PIP5K1B: variants seen among roughly 807,000 people sequenced by gnomAD.
PIP5K1B encodes phosphatidylinositol-4-phosphate 5-kinase type 1 beta, also known as phosphatidylinositol 4-phosphate 5-kinase type-1 beta.
PIP5K1B carries 42 observed loss-of-function variants against 67.0 expected under a neutral mutation model. That is an observed-to-expected ratio of 0.63 (90% CI 0.49 to 0.81). PIP5K1B has a LOEUF of 0.81. Ranked by LOEUF, PIP5K1B falls within the 30% of genes least tolerant of loss-of-function variation. PIP5K1B has a pLI of 0.00. For missense variants in PIP5K1B, 459 were observed against 646.3 expected (o/e 0.71, Z 3.14); for synonymous variants, 214 against 231.4 (o/e 0.92, Z 0.68).
intron 1 of PIP5K1B, among the ~76,000 whole-genome samples, chr9:68,726,914 C>T (rs544641105): frequency 6.6e-6 from 1 of 151,842 alleles, no homozygotes; most frequent in South Asian, 2.1e-4. Context: ...TTTTCATGTG[C>T]CTATTTGCCA....
intron 14 of PIP5K1B, among the ~76,000 whole-genome samples, chr9:68,972,698 G>A (rs1001827888): frequency 6.6e-6 from 1 of 152,088 alleles, no homozygotes; most frequent in Non-Finnish European, 1.5e-5. Flanking sequence ...TGTGCACATG[G>A]GTTTTTTTCC....
intron 8 of PIP5K1B, among the ~76,000 whole-genome samples, chr9:68,916,445 C>T (rs1826095979): frequency 2.6e-5 from 4 of 152,326 alleles, no homozygotes; most frequent in Middle Eastern, 3.4e-3. Flanking sequence ...TTTTGTCTGG[C>T]TGCATCCAAC....
intron 2 of PIP5K1B, among the ~76,000 whole-genome samples, chr9:68,744,915 G>T (rs1435756860): frequency 6.6e-6 from 1 of 152,120 alleles, no homozygotes; most frequent in African/African-American, 2.4e-5. Flanking sequence ...GGGTTCTATT[G>T]CTGTCCAGGT....
chr9:68,827,831 A>G (rs1000736563), intron 4 of PIP5K1B, among the ~76,000 whole-genome samples: 2 of 152,212 alleles, frequency 1.3e-5, no homozygotes, highest in Non-Finnish European at 2.9e-5. Context: ...CAAGAGACCT[A>G]AAAGGAAGCA....
intron 1 of PIP5K1B, among the ~76,000 whole-genome samples, chr9:68,719,844 G>A (rs1200160625): frequency 1.3e-5 from 2 of 152,148 alleles, no homozygotes; most frequent in African/African-American, 4.8e-5. Flanking sequence ...TTCATTTTGT[G>A]TAAACTTTAT....
chr9:68,725,411 C>G (rs903233364), intron 1 of PIP5K1B, among the ~76,000 whole-genome samples: 3 of 152,146 alleles, frequency 2.0e-5, no homozygotes, highest in African/African-American at 7.2e-5. Context: ...TGTTGTGAGG[C>G]CAAATGAACT....
chr9:68,880,638 A>C (rs913368921), intron 6 of PIP5K1B, among the ~76,000 whole-genome samples: 5 of 150,344 alleles, frequency 3.3e-5, no homozygotes, highest in South Asian at 2.1e-4. Context: ...CACACACACA[A>C]AATAGAGGGA....
chr9:68,808,113 A>G (rs974933888), intron 2 of PIP5K1B, among the ~76,000 whole-genome samples: 9 of 152,176 alleles, frequency 5.9e-5, no homozygotes, highest in Admixed American at 5.9e-4. Flanking sequence ...CGGGAGAGTC[A>G]CTTGAGCCTG....
intron 7 of PIP5K1B, among the ~76,000 whole-genome samples, chr9:68,891,430 A>G (rs1388658940): frequency 6.6e-6 from 1 of 151,868 alleles, no homozygotes; most frequent in African/African-American, 2.4e-5. Context: ...AATTCTAAAA[A>G]TTGGCAGGGG....
At chr9:68,710,901 A>T (rs981643525) in intron 1 of PIP5K1B, among the ~76,000 whole-genome samples, 2 of 152,230 alleles carry the variant, frequency 1.3e-5, no homozygotes, top group Non-Finnish European at 2.9e-5. Flanking sequence ...TCAATTGTGA[A>T]ATTGCAATGA....
At chr9:68,954,787 T>C (rs902920308) in intron 14 of PIP5K1B, among the ~76,000 whole-genome samples, 12 of 152,198 alleles carry the variant, frequency 7.9e-5, no homozygotes, top group African/African-American at 2.9e-4. Flanking sequence ...AGATCTCCTC[T>C]ACATGTGGGA....
intron 14 of PIP5K1B, chr9:68,963,231 T>C (rs1416291429): frequency 2.2e-6 from 1 of 456,072 alleles, no homozygotes; most frequent in Non-Finnish European, 4.4e-6. Context: ...CAGTCCTGTG[T>C]GTGGCTCACA....
chr9:68,861,880 T>G (rs1304697654), intron 4 of PIP5K1B, among the ~76,000 whole-genome samples: 7 of 149,416 alleles, frequency 4.7e-5, no homozygotes, highest in Non-Finnish European at 3.0e-5. Flanking sequence ...TAGCAGGGGG[T>G]TTTTTTGTTT....
rs2132381502 is a variant in PIP5K1B, at chr9:68,889,053, A to G, written c.391A>G (p.Ser131Gly). The change falls in exon 7 of 16, where the codon AGT becomes GGT. Residue 131 changes from serine to glycine, a missense_variant. Ser to Gly is a moderately conservative substitution (Grantham distance 56, BLOSUM62 0). Around this residue, in one of 2 missense-constraint regions of PIP5K1B, gnomAD observed 290 missense variants for 474.4 expected, o/e 0.61. Coordinates refer to ENST00000265382, the MANE Select transcript of PIP5K1B (RefSeq NM_003558.4). ...CAGTGGATCCTTGTTTTTTGTGACC[A>G]GTGATGATGAATTTATCATCAAAAC... Reference protein sequence around the residue: ...GASGSLFFVTSDDEFIIKTVQ... With the variant: ...GASGSLFFVTGDDEFIIKTVQ... 1 of 1,612,296 alleles carries G rather than the reference A, an allele frequency of 6.2e-7. No homozygotes were observed. Among genetic ancestry groups the G allele is most frequent in the Middle Eastern group, 1.6e-4 (1 of 6,062 alleles).
intron 2 of PIP5K1B, among the ~76,000 whole-genome samples, chr9:68,811,830 G>C (rs893588481): frequency 1.3e-5 from 2 of 152,152 alleles, no homozygotes; most frequent in Non-Finnish European, 2.9e-5. Flanking sequence ...ATCCTGAAGT[G>C]ATAAACTCTC....
At chr9:68,911,670 C>T (rs1013034542) in intron 8 of PIP5K1B, among the ~76,000 whole-genome samples, 1 of 151,926 alleles carries the variant, frequency 6.6e-6, no homozygotes. Context: ...GTGGTTGGAT[C>T]GCTTGAGCCC....
At chr9:68,875,295 C>CAAA (rs147022066) in intron 5 of PIP5K1B, among the ~76,000 whole-genome samples, 535 of 44,882 alleles carry the variant, frequency 0.012, 114 homozygotes, top group Non-Finnish European at 0.015. Flanking sequence ...TGGTACTCAG[C>CAAA]AAAAAAAAAA....
chr9:68,834,688 G>A (rs1834505374), intron 4 of PIP5K1B, among the ~76,000 whole-genome samples: 1 of 152,158 alleles, frequency 6.6e-6, no homozygotes, highest in Admixed American at 6.5e-5. Flanking sequence ...GGGGCTGGGG[G>A]GCTGAAGAGG....
rs1587797066 is a variant in PIP5K1B, at chr9:69,006,509, C to T, written c.1621-1938C>T. On this transcript the variant is annotated intron_variant, in intron 15 of 15. Coordinates refer to ENST00000265382, the MANE Select transcript of PIP5K1B (RefSeq NM_003558.4). The stretch of plus-strand genomic sequence containing the variant: ...TTGCTGGTGACAGTGTCACATCTTT[C>T]AGCAATACCGGGACTAAACTAATAC... Among the ~76,000 whole-genome samples the T allele has an allele frequency of 2.0e-5, 3 of 152,196 alleles. No homozygotes were observed. The South Asian group carries it at 6.2e-4, about 31-fold the overall frequency.
Sources: allele counts gnomAD v4.1 joint callset (sites outside exome capture counted in the v4.1 genomes callset), GRCh38; gene constraint gnomAD v4.1.1; regional missense constraint gnomAD v4.1.1; transcripts MANE v1.5; gene names NCBI Gene and HGNC (gene_info 2026-07-23, HGNC 2026-07-21).